The following MARCHF1 variants were observed in gnomAD, a reference collection of about 807,000 sequenced individuals.
MARCHF1 encodes membrane associated ring-CH-type finger 1.
In MARCHF1, 40 loss-of-function variants were observed where a neutral mutation model predicts 54.2. That is an observed-to-expected ratio of 0.74 (90% confidence interval 0.57 to 0.96). The LOEUF (loss-of-function observed/expected upper bound fraction) is 0.96, where lower values mean the gene tolerates loss of function less well. Ranked by LOEUF, MARCHF1 falls within the 40% of genes least tolerant of loss-of-function variation. MARCHF1 has a pLI of 0.00. For synonymous variants in MARCHF1, 236 were observed against 236.3 expected, an observed-to-expected ratio of 1.00 and a Z score of 0.01; for missense variants, 586 against 656.5, an observed-to-expected ratio of 0.89 and a Z score of 1.17.
intron 2 of MARCHF1, among the ~76,000 whole-genome samples, chr4:164,073,134 C>T (rs890666520): frequency 6.6e-6 from 1 of 152,054 alleles, no homozygotes; most frequent in Admixed American, 6.5e-5. Context: ...CTTGTACAGA[C>T]ATTATAAGTA....
At position 164,373,766 on chromosome 4, in the gene MARCHF1, A is replaced by G. The variant is rs1731106610; in HGVS notation, c.-323+10104T>C. 2.0e-5 allele frequency among the ~76,000 whole-genome samples: 3 copies of G among 152,216 alleles called. 1 individual carries two copies. Among genetic ancestry groups the G allele is most frequent in the Admixed American group, 6.5e-5 (1 of 15,276 alleles). On this transcript the variant is annotated intron_variant, in intron 1 of 9. Transcript: ENST00000514618. The stretch of plus-strand genomic sequence containing the variant: ...CTGCCTCTAAAGGCATACATCTCCC[A>G]GTAGCCATGTGGTGATTACACCCCA...
chr4:164,152,893 C>T (rs1159834928), intron 1 of MARCHF1, among the ~76,000 whole-genome samples: 1 of 151,912 alleles, frequency 6.6e-6, no homozygotes, highest in Non-Finnish European at 1.5e-5. Context: ...CCCCCACCCA[C>T]CCCAGTTTGA....
At chr4:163,603,201 C>A (rs1741028890) in intron 7 of MARCHF1, among the ~76,000 whole-genome samples, 2 of 151,998 alleles carry the variant, frequency 1.3e-5, no homozygotes, top group African/African-American at 2.4e-5. Flanking sequence ...GAGAGCAAAG[C>A]TACTCACTAA....
At chr4:164,130,122 C>T (rs1756269847) in intron 1 of MARCHF1, 1 of 152,002 alleles carries the variant, frequency 6.6e-6, no homozygotes, top group South Asian at 2.1e-4. Flanking sequence ...AAAAATCACA[C>T]TACTTTATAA....
chr4:164,135,356 T>C (rs1756378776), intron 1 of MARCHF1: 1 of 152,210 alleles, frequency 6.6e-6, no homozygotes, highest in African/African-American at 2.4e-5. Context: ...TCCATTCTTA[T>C]GCTGATACGA....
At chr4:163,732,739 GAATCTTTCA>G (rs1267615323) in intron 4 of MARCHF1, among the ~76,000 whole-genome samples, 1 of 151,952 alleles carries the variant, frequency 6.6e-6, no homozygotes, top group East Asian at 1.9e-4. Context: ...AGAAACAAAA[GAATCTTTCA>G]ACTATACTTT....
At chr4:163,581,830 A>C (rs1219396995) in intron 8 of MARCHF1, among the ~76,000 whole-genome samples, 1 of 152,210 alleles carries the variant, frequency 6.6e-6, no homozygotes, top group Non-Finnish European at 1.5e-5. Context: ...ATCTACAAAA[A>C]TGGTGCATAT....
intron 8 of MARCHF1, among the ~76,000 whole-genome samples, chr4:163,547,087 C>T (rs1194137327): frequency 6.6e-6 from 1 of 152,202 alleles, no homozygotes; most frequent in African/African-American, 2.4e-5. Context: ...CCCCACCTGA[C>T]CATCCCACAT....
intron 1 of MARCHF1, among the ~76,000 whole-genome samples, chr4:164,203,150 G>C (rs77269241): frequency 4.3e-4 from 66 of 152,140 alleles, no homozygotes; most frequent in African/African-American, 1.5e-3. Flanking sequence ...GGGATTTTTA[G>C]AGCTTTATTG....
At chr4:164,257,121 C>CA (rs1282969541) in intron 1 of MARCHF1, among the ~76,000 whole-genome samples, 1 of 151,868 alleles carries the variant, frequency 6.6e-6, no homozygotes, top group African/African-American at 2.4e-5. Context: ...ATAATATATA[C>CA]AAAATTGGAA....
intron 5 of MARCHF1, among the ~76,000 whole-genome samples, chr4:163,627,168 T>G (rs1353733582): frequency 6.6e-6 from 1 of 152,218 alleles, no homozygotes; most frequent in East Asian, 1.9e-4. Flanking sequence ...TTTCCAACAG[T>G]GGTCATTTGG....
chr4:163,967,615 C>T (rs1211971108), intron 3 of MARCHF1, among the ~76,000 whole-genome samples: 1 of 152,118 alleles, frequency 6.6e-6, no homozygotes, highest in Admixed American at 6.6e-5. Flanking sequence ...CAGTTGATGG[C>T]TGTCTTAGTC....
At chr4:164,122,696 C>G (rs1334317206) in intron 1 of MARCHF1, among the ~76,000 whole-genome samples, 1 of 151,946 alleles carries the variant, frequency 6.6e-6, no homozygotes, top group East Asian at 1.9e-4. Context: ...TTCACTTCTG[C>G]CTGTTTAATC....
chr4:163,868,179 T>C (rs538395636), intron 3 of MARCHF1, among the ~76,000 whole-genome samples: 2 of 151,984 alleles, frequency 1.3e-5, no homozygotes, highest in South Asian at 4.1e-4. Flanking sequence ...CACTCAATAA[T>C]GTTCAACATT....
At chr4:163,765,309 T>C (rs1279149676) in intron 4 of MARCHF1, among the ~76,000 whole-genome samples, 2 of 152,166 alleles carry the variant, frequency 1.3e-5, no homozygotes, top group South Asian at 4.1e-4. Context: ...TACAGTCTTC[T>C]GATATTCAAA....
chr4:164,197,420 CTT>C (rs1211604174), intron 1 of MARCHF1: 2 of 1,613,468 alleles, frequency 1.2e-6, no homozygotes, highest in East Asian at 4.5e-5. Flanking sequence ...GTGCTGAGGT[CTT>C]TAATTTTGTT....
At chr4:163,873,845 C>T (rs1297980395) in intron 3 of MARCHF1, among the ~76,000 whole-genome samples, 1 of 152,134 alleles carries the variant, frequency 6.6e-6, no homozygotes, top group African/African-American at 2.4e-5. Context: ...AGGTAATGCA[C>T]CGCTTTTATG....
intron 4 of MARCHF1, among the ~76,000 whole-genome samples, chr4:163,831,113 CTATGGCTAAATT>C (rs1239595174): frequency 6.6e-6 from 1 of 152,232 alleles, no homozygotes; most frequent in Non-Finnish European, 1.5e-5. Context: ...TCTGTCTTTC[CTATGGCTAAATT>C]CTCTTCGTAA....
intron 3 of MARCHF1, among the ~76,000 whole-genome samples, chr4:163,919,952 T>G (rs1450644136): frequency 1.3e-5 from 2 of 152,180 alleles, no homozygotes; most frequent in Non-Finnish European, 2.9e-5. Context: ...TTGCTCCTCC[T>G]CCTCATTAGA....
Sources: allele counts gnomAD v4.1 joint callset (sites outside exome capture counted in the v4.1 genomes callset), GRCh38; gene constraint gnomAD v4.1.1; transcripts MANE v1.5; gene names NCBI Gene and HGNC (gene_info 2026-07-23, HGNC 2026-07-21).